The following BEST4 variants were observed in gnomAD, a reference collection of about 807,000 sequenced individuals.
BEST4 encodes bestrophin-4.
BEST4 carries 36 observed loss-of-function variants against 47.1 expected under a neutral mutation model. The ratio of observed to expected loss-of-function variants is 0.76; its 90% CI spans 0.59 to 1.01. The LOEUF is 1.01. Ranked by LOEUF, BEST4 falls within the 50% of genes least tolerant of loss-of-function variation. The pLI, the probability that BEST4 is intolerant of heterozygous loss-of-function variation, is 0.00. For synonymous variants in BEST4, 250 were observed against 277.8 expected, an observed-to-expected ratio of 0.90 and a Z score of 1.00; for missense variants, 550 against 648.6, an observed-to-expected ratio of 0.85 and a Z score of 1.65.
intron 5 of BEST4, 75 bp downstream of exon 5, chr1:44,785,524 G>A (rs778974492): frequency 6.4e-6 from 9 of 1,399,962 alleles, no homozygotes; most frequent in Admixed American, 2.0e-5. Flanking sequence ...AAGTACCATC[G>A]CTAATTCTTC....
chr1:44,785,670 T>G lies in BEST4; in HGVS notation c.643A>C (p.Asn215His). 6.4e-7 allele frequency: 1 copy of G among 1,553,784 alleles called. No homozygotes were observed. The highest frequency in any genetic ancestry group is 8.7e-7 in the Non-Finnish European group (1 of 1,148,266). ...ATGCTGCACTTGGCTCGGTACTTGT[T>G]CAGCTCCTGGGGGAACAGCAGGAAC... ...IALCLLLEEL[N>H]KYRAKCSMLF... Residue 215 changes from asparagine (N) to histidine (H), a missense_variant, in exon 5 of 9, where the codon AAC becomes CAC. By Grantham distance (68) the Asn-to-His change is moderately conservative (BLOSUM62 1). This residue lies in a region of BEST4 where 291 missense variants were observed against 342.4 expected (regional missense o/e 0.85). Transcript: ENST00000372207.
At chr1:44,782,897 A>G (rs1651084195), downstream of BEST4, among the ~76,000 whole-genome samples, 1 of 152,006 alleles carries the variant, frequency 6.6e-6, no homozygotes, top group Admixed American at 6.6e-5. Context: ...AGAATCGTAT[A>G]GGAGCATAGT....
At position 44,784,733 on chromosome 1, in the gene BEST4, C is replaced by T. The variant is rs1486819919; in HGVS notation, c.1044G>A (p.Glu348=). 8 of 1,604,616 alleles carry T rather than the reference C, an allele frequency of 5.0e-6. No individual in the cohort carries two copies. Among genetic ancestry groups the T allele is most frequent in the East Asian group, 2.2e-5 (1 of 44,754 alleles). ...DEMYQNLPPA[E]KDQYWDEDQP... ...GGTCCTCATCCCAGTACTGGTCCTT[C>T]TCAGCGGGGGGAAGGTTCTGGTACA... The change falls in exon 8 of 9, where the codon GAG becomes GAA. Residue 348 remains glutamate, a synonymous_variant. Transcript: ENST00000372207. The surrounding 1 kb of genome is among the most constrained non-coding windows in gnomAD (Gnocchi z 6.2).
chr1:44,785,456 G>A (rs1651184488), intron 5 of BEST4, 143 bp downstream of exon 5: 3 of 1,185,722 alleles, frequency 2.5e-6, no homozygotes, highest in Non-Finnish European at 2.4e-6. Flanking sequence ...ACCTTGTTGG[G>A]GGTGGTGGGG....
Position 44,784,263 on chromosome 1 carries a change from C to A in BEST4, c.1369G>T (p.Ala457Ser), listed in dbSNP as rs892811411. The A allele has an allele frequency of 5.4e-5, 79 of 1,451,558 alleles. No homozygotes were observed. The highest frequency in any genetic ancestry group is 7.1e-5 in the Non-Finnish European group (79 of 1,111,222). 89.9% of individuals were successfully genotyped at this position (1,451,558 alleles called of 1,614,324 possible). ...TCCGCCGATTCCTCCTCGATGCGGGCTGCGGCCTCGGGGTCGCCGCCCTCC... is the reference window on the plus strand; with the variant it reads ...TCCGCCGATTCCTCCTCGATGCGGGATGCGGCCTCGGGGTCGCCGCCCTCC... ...AEEGGDPEAA[A>S]RIEEESAESG... The change falls in exon 9 of 9, where the codon GCC becomes TCC. Residue 457 changes from alanine to serine, a missense_variant. Coordinates refer to ENST00000372207, the MANE Select transcript of BEST4 (RefSeq NM_153274.3). This position sits in a 1 kb window ranked among gnomAD's most constrained non-coding sequence, Gnocchi z 6.2.
downstream of BEST4, among the ~76,000 whole-genome samples, chr1:44,782,458 G>T (rs1239000278): frequency 6.6e-6 from 1 of 151,414 alleles, no homozygotes; most frequent in Non-Finnish European, 1.5e-5. Context: ...TGACACCCCG[G>T]TCTCTACTAA....
In BEST4 at chr1:44,785,689, C is replaced by T; in HGVS notation, c.637-13G>A. 6.4e-7 allele frequency: 1 copy of T among 1,551,076 alleles called. No individual in the cohort carries two copies. The highest frequency in any genetic ancestry group is 8.7e-7 in the Non-Finnish European group (1 of 1,146,286). On this transcript the variant is annotated splice_polypyrimidine_tract_variant and intron_variant, in intron 4 of 8. Transcript: ENST00000372207. ...ACTTGTTCAGCTCCTGGGGGAACAG[C>T]AGGAACAGGAAGTCAGCAGAGGTGA...
Position 44,785,646 on chromosome 1 carries a change from T to C in BEST4, c.667A>G (p.Met223Val). 1 of 1,555,008 alleles carries C rather than the reference T, an allele frequency of 6.4e-7. No individual in the cohort carries two copies. The highest frequency in any genetic ancestry group is 8.7e-7 in the Non-Finnish European group (1 of 1,149,136). Residue 223 changes from methionine to valine, a missense_variant, in exon 5 of 9, where the codon ATG becomes GTG. Transcript: ENST00000372207. The part of the protein sequence containing the change: ...ELNKYRAKCS[M>V]LFHYDWISIP... ...CTGATCCAGTCATAGTGGAATAGCA[T>C]GCTGCACTTGGCTCGGTACTTGTTC...
At position 44,786,373 on chromosome 1, in the gene BEST4, C is replaced by A; in HGVS notation, c.481+90G>T. The A allele has an allele frequency of 7.0e-7, 1 of 1,424,092 alleles. No individual in the cohort carries two copies. The highest frequency in any genetic ancestry group is 9.4e-7 in the Non-Finnish European group (1 of 1,069,090). The allele number at this position is 1,424,092 out of a possible 1,614,324, so 88.2% of individuals were successfully genotyped here. On this transcript the variant is annotated intron_variant, in intron 3 of 8. Coordinates refer to ENST00000372207, the MANE Select transcript of BEST4 (RefSeq NM_153274.3). The surrounding 1 kb of genome is among the most constrained non-coding windows in gnomAD (Gnocchi z 4.9). ...GTTCCTGTCGCAGTCCAGACCCTTC[C>A]CTGGAGGCCCCTGCTCCCAGGACTC...
In BEST4 at chr1:44,787,412, G is replaced by A; in HGVS notation, c.207C>T (p.Cys69=). The change falls in exon 2 of 9, where the codon TGC becomes TGT. Residue 69 remains cysteine (C), a synonymous_variant. Transcript: ENST00000372207. ...RYVYAQVARY[C]NRSADLIPLS... ...AGGGAATGAGGTCTGCTGAGCGGTT[G>A]CAGTACCGGGCCACCTGAGCATACA... 6.2e-7 allele frequency: 1 copy of A among 1,614,152 alleles called. No homozygotes were observed. The highest frequency in any genetic ancestry group is 1.1e-5 in the South Asian group (1 of 91,086).
upstream of BEST4, among the ~76,000 whole-genome samples, chr1:44,789,242 C>CAAAA (rs778437528): frequency 2.0e-3 from 121 of 60,698 alleles, no homozygotes; most frequent in African/African-American, 8.6e-3. Flanking sequence ...CCTGGGTAAT[C>CAAAA]AAAAAAAAAA....
In BEST4 at chr1:44,785,344, G is replaced by A. The variant is rs77121180; in HGVS notation, c.715-39C>T. 5.1e-4 allele frequency: 778 copies of A among 1,525,018 alleles called. 9 individuals are homozygous for A. The African/African-American group carries it at 9.0e-3, about 18-fold the overall frequency. The allele number at this position is 1,525,018 out of a possible 1,614,324, so 94.5% of individuals were successfully genotyped here. On this transcript the variant is annotated intron_variant, in intron 5 of 8. Transcript: ENST00000372207. ...AGCCAGGCTCAGTGCAGGATGCAGC[G>A]GGCCAAGGAGAAATGCTGCCCCTGC...
rs1447340904 is a variant in BEST4 at position 44,786,627 on chromosome 1, A to C, written c.317T>G (p.Leu106Arg). The C allele has an allele frequency of 1.9e-6, 3 of 1,551,472 alleles. No homozygotes were observed. Among genetic ancestry groups the C allele is most frequent in the Non-Finnish European group, 2.6e-6 (3 of 1,146,994 alleles). ...CACGCTAGCCGAGATGACGCACATC[A>C]GCTGGTCTGGCAGCGGGATGCTTGT... ...QYTSIPLPDQ[L>R]MCVISASVHG... is the part of the protein sequence containing the mutation. The change falls in exon 3 of 9, where the codon CTG becomes CGG. Residue 106 changes from leucine to arginine, a missense_variant. By Grantham distance (102) the Leu-to-Arg change is moderately radical. Around this residue, in one of 3 missense-constraint regions of BEST4, gnomAD observed 291 missense variants for 342.4 expected, o/e 0.85. Coordinates refer to ENST00000372207, the MANE Select transcript of BEST4 (RefSeq NM_153274.3). The surrounding 1 kb of genome is among the most constrained non-coding windows in gnomAD (Gnocchi z 4.9).
upstream of BEST4, among the ~76,000 whole-genome samples, chr1:44,790,410 T>C (rs1291528817): frequency 6.6e-6 from 1 of 152,172 alleles, no homozygotes; most frequent in Non-Finnish European, 1.5e-5. Context: ...ATAGTAGGTG[T>C]ATATGCCTAG....
chr1:44,784,270 C>T lies in BEST4; in HGVS notation c.1362G>A (p.Glu454=). Residue 454 remains glutamate, a synonymous_variant, in exon 9 of 9, where the codon GAG becomes GAA. Transcript: ENST00000372207. The surrounding 1 kb of genome is among the most constrained non-coding windows in gnomAD (Gnocchi z 6.2). ...ATTCCTCCTCGATGCGGGCTGCGGC[C>T]TCGGGGTCGCCGCCCTCCTCCGCCC... ...RFRAEEGGDP[E]AAARIEEESA... is the part of the protein sequence containing the mutation. 2 of 1,440,786 alleles carry T rather than the reference C, an allele frequency of 1.4e-6. No individual in the cohort carries two copies. The highest frequency in any genetic ancestry group is 1.8e-6 in the Non-Finnish European group (2 of 1,106,684). 89.3% of individuals were successfully genotyped at this position (1,440,786 alleles called of 1,614,324 possible). A position where few individuals can be genotyped will look rare whatever the true frequency, so the allele number is the denominator to read the frequency against.
In BEST4 at chr1:44,788,015, G is replaced by A. The variant is rs576604817; in HGVS notation, c.-310C>T. 6.6e-5 allele frequency among the ~76,000 whole-genome samples: 10 copies of A among 152,300 alleles called. No homozygotes were observed. The South Asian group carries it at 1.7e-3, about 25-fold the overall frequency. On this transcript the variant is annotated 5_prime_UTR_variant, in exon 1 of 9. Coordinates refer to ENST00000372207, the MANE Select transcript of BEST4 (RefSeq NM_153274.3). ...GGATAACCAGATCCTGAACTGCTGC[G>A]GACAAGAGACGCAGCTCCAGCCCAA...
At chr1:44,782,191 C>T (rs1651057967), downstream of BEST4, among the ~76,000 whole-genome samples, 1 of 149,658 alleles carries the variant, frequency 6.7e-6, no homozygotes, top group Non-Finnish European at 1.5e-5. Flanking sequence ...ACCACCTTCA[C>T]AGATGACCGT....
upstream of BEST4, among the ~76,000 whole-genome samples, chr1:44,791,302 G>T (rs753216638): frequency 3.9e-5 from 6 of 151,950 alleles, no homozygotes; most frequent in Non-Finnish European, 8.8e-5. Context: ...GCCAGCTCCT[G>T]GGCCTCAGGC....
In BEST4 at chr1:44,787,431, G is replaced by T. The variant is rs1301445953; in HGVS notation, c.188C>A (p.Ala63Asp). ...GCGGTTGCAGTACCGGGCCACCTGA[G>T]CATACACGTACCTCTGCTCCTGGGT... is the stretch of plus-strand genomic sequence containing the variant. ...LLTQEQRYVYAQVARYCNRSA... is the reference protein window; with the variant it reads ...LLTQEQRYVYDQVARYCNRSA... The change falls in exon 2 of 9, where the codon GCT becomes GAT. Residue 63 changes from alanine to aspartate, a missense_variant. Around this residue, in one of 3 missense-constraint regions of BEST4, gnomAD observed 291 missense variants for 342.4 expected, o/e 0.85. Transcript: ENST00000372207. 1 of 1,614,064 alleles carries T rather than the reference G, an allele frequency of 6.2e-7. No homozygotes were observed. Among genetic ancestry groups the T allele is most frequent in the African/African-American group, 1.3e-5 (1 of 74,920 alleles).
Sources: allele counts gnomAD v4.1 joint callset (sites outside exome capture counted in the v4.1 genomes callset), GRCh38; gene constraint gnomAD v4.1.1; regional missense constraint gnomAD v4.1.1; non-coding constraint Gnocchi (gnomAD v3.1); transcripts MANE v1.5; gene names NCBI Gene and HGNC (gene_info 2026-07-23, HGNC 2026-07-21).